Variants in PRSS3 observed in about 807,000 individuals in gnomAD.
PRSS3 encodes trypsin-3.
In PRSS3, 14 loss-of-function variants were observed where a neutral mutation model predicts 20.8. That is an observed-to-expected ratio of 0.67 (90% CI 0.44 to 1.05). The LOEUF (loss-of-function observed/expected upper bound fraction) is 1.05. PRSS3 is among the 50% of genes least tolerant of loss of function. PRSS3 has a pLI of 0.00. For missense variants in PRSS3, 237 were observed against 306.4 expected (o/e 0.77, Z 1.69); for synonymous variants, 91 against 117.6 (o/e 0.77, Z 1.46).
chr9:33,775,851 C>T (rs960048062), intron 1 of PRSS3, among the ~76,000 whole-genome samples: 3 of 151,898 alleles, frequency 2.0e-5, no homozygotes, highest in Non-Finnish European at 4.4e-5. Flanking sequence ...TACAGGCGCC[C>T]ACTACCACGC....
At chr9:33,754,843 A>G (rs1328618219) in intron 1 of PRSS3, among the ~76,000 whole-genome samples, 2 of 152,208 alleles carry the variant, frequency 1.3e-5, no homozygotes, top group Non-Finnish European at 2.9e-5. Context: ...AAAAAATAGT[A>G]ATAATAACAA....
At chr9:33,796,866 C>T (rs1824980683) in intron 2 of PRSS3, 64 bp downstream of exon 2, 1 of 1,613,212 alleles carries the variant, frequency 6.2e-7, no homozygotes, top group Admixed American at 1.7e-5. Flanking sequence ...TTGGCTTCAG[C>T]CCAGGGAAGT....
intron 1 of PRSS3, among the ~76,000 whole-genome samples, chr9:33,751,823 T>A (rs1459696195): frequency 1.3e-5 from 2 of 152,194 alleles, no homozygotes; most frequent in African/African-American, 4.8e-5. Context: ...ACGGAAAGAA[T>A]CAGGACACGT....
intron 1 of PRSS3, among the ~76,000 whole-genome samples, chr9:33,754,059 C>G (rs1350503201): frequency 2.6e-5 from 4 of 151,602 alleles, no homozygotes; most frequent in Admixed American, 2.6e-4. Context: ...TTTCTCTCTT[C>G]TTTTCTTTTC....
intron 2 of PRSS3, 146 bp downstream of exon 2, chr9:33,796,948 A>G: frequency 1.5e-6 from 2 of 1,323,280 alleles, no homozygotes; most frequent in Non-Finnish European, 2.1e-6. Context: ...GACTCTCCAG[A>G]GCAAGGCCAA....
intron 2 of PRSS3, among the ~76,000 whole-genome samples, chr9:33,797,342 C>A (rs1825018899): frequency 6.6e-6 from 1 of 152,222 alleles, no homozygotes. Context: ...GGGGTAAGGA[C>A]CAAGAATTTA....
chr9:33,791,594 A>G (rs1162325096), upstream of PRSS3, among the ~76,000 whole-genome samples: 2 of 152,210 alleles, frequency 1.3e-5, no homozygotes, highest in Non-Finnish European at 2.9e-5. Context: ...TGTTACAATC[A>G]TAAGAATCTA....
chr9:33,767,164 G>A (rs1823470925), intron 1 of PRSS3, among the ~76,000 whole-genome samples: 1 of 152,150 alleles, frequency 6.6e-6, no homozygotes, highest in Non-Finnish European at 1.5e-5. Context: ...AAAAGGAAAT[G>A]TGTTAATTGG....
At chr9:33,754,032 CT>C (rs958799781) in intron 1 of PRSS3, among the ~76,000 whole-genome samples, 14 of 151,540 alleles carry the variant, frequency 9.2e-5, no homozygotes, top group African/African-American at 3.4e-4. Context: ...CTTGTCTTGT[CT>C]TTTTTTTTCT....
chr9:33,761,740 G>C (rs976560011), intron 1 of PRSS3, among the ~76,000 whole-genome samples: 1 of 152,036 alleles, frequency 6.6e-6, no homozygotes, highest in African/African-American at 2.4e-5. Flanking sequence ...TTAGCCAAGC[G>C]TGGTGGTGCA....
At chr9:33,779,740 G>A (rs900023596) in intron 1 of PRSS3, among the ~76,000 whole-genome samples, 2 of 151,642 alleles carry the variant, frequency 1.3e-5, no homozygotes, top group African/African-American at 4.8e-5. Context: ...ATGGTGGCAG[G>A]TACCTATAAT....
intron 1 of PRSS3, among the ~76,000 whole-genome samples, chr9:33,752,029 C>T (rs1232091712): frequency 6.6e-6 from 1 of 152,162 alleles, no homozygotes; most frequent in Non-Finnish European, 1.5e-5. Flanking sequence ...GAGGCATGAC[C>T]TCTGGCTGTG....
At chr9:33,756,040 G>T (rs1345078587) in intron 1 of PRSS3, among the ~76,000 whole-genome samples, 1 of 151,820 alleles carries the variant, frequency 6.6e-6, no homozygotes, top group East Asian at 1.9e-4. Context: ...GTAATTTTAC[G>T]CCTTTTTCTT....
At chr9:33,798,721 C>T (rs1447334404) in intron 4 of PRSS3, 99 bp downstream of exon 4, 1 of 1,550,676 alleles carries the variant, frequency 6.4e-7, no homozygotes, top group Non-Finnish European at 8.8e-7. Flanking sequence ...GAGGCGGCTC[C>T]CTGCAGTGCT....
chr9:33,778,102 G>A (rs1240962985), intron 1 of PRSS3, among the ~76,000 whole-genome samples: 1 of 151,964 alleles, frequency 6.6e-6, no homozygotes, highest in African/African-American at 2.4e-5. Context: ...AAATCTATTT[G>A]ATTATACCTA....
rs760782382 is a variant in PRSS3, at chr9:33,798,485, G to A, written c.455-1G>A. The A allele has an allele frequency of 1.2e-6, 2 of 1,613,878 alleles. No individual in the cohort carries two copies. Among genetic ancestry groups the A allele is most frequent in the African/African-American group, 2.7e-5 (2 of 74,898 alleles). ...CTTTGATCTCTTCCTGATCCTCACA[G>A]CTGACTACCCAGACGAGCTGAAGTG... On this transcript the variant is annotated splice_acceptor_variant, in intron 3 of 4. Transcript: ENST00000379405. LOFTEE classifies it high-confidence loss of function.
intron 1 of PRSS3, among the ~76,000 whole-genome samples, chr9:33,753,898 G>C (rs1483894515): frequency 6.6e-6 from 1 of 152,192 alleles, no homozygotes; most frequent in Non-Finnish European, 1.5e-5. Flanking sequence ...GTTCCGATAT[G>C]AACTCATCTG....
intron 1 of PRSS3, among the ~76,000 whole-genome samples, chr9:33,770,524 A>G (rs375947270): frequency 6.6e-6 from 1 of 152,176 alleles, no homozygotes; most frequent in Non-Finnish European, 1.5e-5. Context: ...TGGGCTGAGT[A>G]TGCTCTCTCC....
chr9:33,798,380 T>C lies in PRSS3; in HGVS notation c.455-106T>C, dbSNP rs1825127608. The C allele has an allele frequency of 2.6e-6, 4 of 1,535,556 alleles. No individual in the cohort carries two copies. The East Asian group carries it at 9.0e-5, about 35-fold the overall frequency. ...TGCCAGAACTTACGTTTTGGAGTCC[T>C]CTCCAGAGGCAGTGTTCCTCTTCAA... On this transcript the variant is annotated intron_variant, in intron 3 of 4. Coordinates refer to ENST00000379405, the MANE Select transcript of PRSS3 (RefSeq NM_002771.4).
Sources: allele counts gnomAD v4.1 joint callset (sites outside exome capture counted in the v4.1 genomes callset), GRCh38; gene constraint gnomAD v4.1.1; transcripts MANE v1.5; gene names NCBI Gene and HGNC (gene_info 2026-07-23, HGNC 2026-07-21).